Variants in SPTLC3 observed in about 807,000 individuals in gnomAD.
The protein encoded by SPTLC3 is serine palmitoyltransferase long chain base subunit 3.
In SPTLC3, 36 loss-of-function variants were observed where a neutral mutation model predicts 59.3. The observed-to-expected ratio is 0.61, with a 90% CI of 0.47 to 0.80. The LOEUF is 0.80. Among genes scored for constraint, SPTLC3 ranks in the 30% least tolerant of loss-of-function variants. The pLI, the probability that SPTLC3 is intolerant of heterozygous loss-of-function variation, is 0.00. For synonymous variants in SPTLC3, 257 were observed against 240.8 expected (o/e 1.07, Z -0.62); for missense variants, 625 against 685.1 (o/e 0.91, Z 0.98).
intron 1 of SPTLC3, among the ~76,000 whole-genome samples, chr20:13,037,254 A>G (rs1600221635): frequency 6.6e-6 from 1 of 152,166 alleles, no homozygotes; most frequent in Non-Finnish European, 1.5e-5. Flanking sequence ...GCCCATGTCT[A>G]AACCAGTCAC....
At chr20:13,086,444 T>C (rs1199195928) in intron 4 of SPTLC3, among the ~76,000 whole-genome samples, 1 of 152,240 alleles carries the variant, frequency 6.6e-6, no homozygotes, top group Non-Finnish European at 1.5e-5. Flanking sequence ...GTAGAAGTGG[T>C]GAAAGATCCT....
intron 9 of SPTLC3, among the ~76,000 whole-genome samples, chr20:13,143,546 A>G (rs1189536038): frequency 6.6e-6 from 1 of 152,186 alleles, no homozygotes. Context: ...GAACCCAGCA[A>G]ATTGGCTTCA....
chr20:13,009,506 A>G (rs1374670624), intron 1 of SPTLC3, 122 bp downstream of exon 1: 1 of 891,928 alleles, frequency 1.1e-6, no homozygotes. Flanking sequence ...ACATGTTTTG[A>G]CTGTTGACTC....
chr20:13,055,236 G>T (rs533136237), intron 2 of SPTLC3, among the ~76,000 whole-genome samples: 3 of 151,900 alleles, frequency 2.0e-5, no homozygotes, highest in Admixed American at 1.3e-4. Context: ...AGGACATAAA[G>T]GTTCTTGAGT....
chr20:13,150,124 C>G (rs1477538429), intron 9 of SPTLC3, among the ~76,000 whole-genome samples: 2 of 152,134 alleles, frequency 1.3e-5, no homozygotes, highest in African/African-American at 4.8e-5. Context: ...ATAATCCTTA[C>G]CATAGCCCTC....
intron 1 of SPTLC3, among the ~76,000 whole-genome samples, chr20:13,033,276 C>T (rs567205957): frequency 1.3e-5 from 2 of 152,166 alleles, no homozygotes; most frequent in South Asian, 4.2e-4. Context: ...CCACCAAATC[C>T]CAATGGCATA....
intron 4 of SPTLC3, among the ~76,000 whole-genome samples, chr20:13,083,385 G>C (rs1051214247): frequency 6.6e-5 from 10 of 152,138 alleles, no homozygotes; most frequent in Non-Finnish European, 1.2e-4. Context: ...AGAACTGAAA[G>C]ACCACATAGG....
chr20:13,130,231 G>A (rs1600342923), intron 9 of SPTLC3, among the ~76,000 whole-genome samples: 1 of 152,304 alleles, frequency 6.6e-6, no homozygotes, highest in South Asian at 2.1e-4. Flanking sequence ...ACCCCTTTCT[G>A]CAGAGATAGA....
At chr20:13,089,772 C>T (rs1466958089) in intron 4 of SPTLC3, among the ~76,000 whole-genome samples, 17 of 127,294 alleles carry the variant, frequency 1.3e-4, no homozygotes, top group African/African-American at 4.6e-4. Context: ...GATGACAGAG[C>T]GAGATTCTAT....
At chr20:13,093,284 A>G (rs980746436) in intron 5 of SPTLC3, among the ~76,000 whole-genome samples, 200 bp from the exon 6 acceptor site, 1 of 152,182 alleles carries the variant, frequency 6.6e-6, no homozygotes, top group Non-Finnish European at 1.5e-5. Context: ...TAATCTCTTA[A>G]AACAATTCCC....
At chr20:13,127,921 T>C (rs551684305) in intron 9 of SPTLC3, among the ~76,000 whole-genome samples, 35 of 152,342 alleles carry the variant, frequency 2.3e-4, no homozygotes, top group African/African-American at 8.2e-4. Context: ...GAAGCCCTTA[T>C]GGTATGAGAC....
At chr20:13,101,172 T>G (rs1989587633) in intron 6 of SPTLC3, among the ~76,000 whole-genome samples, 1 of 152,178 alleles carries the variant, frequency 6.6e-6, no homozygotes, top group Admixed American at 6.5e-5. Context: ...AAATTCCCAT[T>G]TGTGACTGAT....
intron 7 of SPTLC3, among the ~76,000 whole-genome samples, chr20:13,115,681 T>C (rs936218241): frequency 1.3e-5 from 2 of 152,044 alleles, no homozygotes; most frequent in Non-Finnish European, 2.9e-5. Flanking sequence ...ACACAGAACA[T>C]TGTCAAGGGC....
chr20:13,066,291 A>G (rs950116196), intron 2 of SPTLC3, among the ~76,000 whole-genome samples: 4 of 151,790 alleles, frequency 2.6e-5, no homozygotes, highest in Admixed American at 2.0e-4. Context: ...TGTATATCCA[A>G]TTTTTCCAAC....
At chr20:13,088,468 G>A (rs1311309271) in intron 4 of SPTLC3, among the ~76,000 whole-genome samples, 1 of 151,960 alleles carries the variant, frequency 6.6e-6, no homozygotes, top group African/African-American at 2.4e-5. Flanking sequence ...CCGAGTAGCT[G>A]GGACTACAGG....
intron 4 of SPTLC3, among the ~76,000 whole-genome samples, chr20:13,081,099 G>A (rs930734902): frequency 7.9e-5 from 12 of 152,242 alleles, no homozygotes; most frequent in East Asian, 7.7e-4. Context: ...TATTTGGGCC[G>A]AAGTTGAGGA....
chr20:13,155,398 G>C (rs1042643981), intron 10 of SPTLC3, among the ~76,000 whole-genome samples: 2 of 152,154 alleles, frequency 1.3e-5, no homozygotes, highest in Non-Finnish European at 2.9e-5. Context: ...GTATTGAAAA[G>C]TACCAATAAA....
intron 2 of SPTLC3, among the ~76,000 whole-genome samples, chr20:13,059,854 G>C (rs1191050008): frequency 1.3e-5 from 2 of 151,920 alleles, no homozygotes; most frequent in Non-Finnish European, 1.5e-5. Context: ...AATTCCATGG[G>C]CTTTGAAACG....
intron 1 of SPTLC3, among the ~76,000 whole-genome samples, chr20:13,015,216 G>C (rs571535862): frequency 2.0e-5 from 3 of 152,130 alleles, no homozygotes; most frequent in African/African-American, 4.8e-5. Flanking sequence ...ATATATCAAG[G>C]GTAAATATTA....
Sources: allele counts gnomAD v4.1 joint callset (sites outside exome capture counted in the v4.1 genomes callset), GRCh38; gene constraint gnomAD v4.1.1; transcripts MANE v1.5; gene names NCBI Gene and HGNC (gene_info 2026-07-23, HGNC 2026-07-21).